PRELID2: variants seen among roughly 807,000 people sequenced by gnomAD.
PRELID2 encodes the protein PRELI domain-containing protein 2.
In PRELID2, 25 loss-of-function variants were observed where a neutral mutation model predicts 28.4. The observed-to-expected ratio is 0.88, with a 90% CI of 0.64 to 1.23. PRELID2 has a LOEUF of 1.23. PRELID2 is among the 50% of genes most tolerant of loss of function. The probability of loss-of-function intolerance (pLI) is 0.00; values close to 1 mark genes in which losing one functional copy is unlikely to be tolerated. For synonymous variants in PRELID2, 76 were observed against 71.6 expected (o/e 1.06, Z -0.31); for missense variants, 201 against 214.4 (o/e 0.94, Z 0.39).
At chr5:145,399,475 G>T in the PRELID2 span, among the ~76,000 whole-genome samples, 1 of 152,060 alleles carries the variant, frequency 6.6e-6, no homozygotes, top group Non-Finnish European at 1.5e-5. Context: ...AGGAAATTCT[G>T]TCACTCCATC....
chr5:145,257,351 G>A, the PRELID2 span, among the ~76,000 whole-genome samples: 2 of 151,934 alleles, frequency 1.3e-5, no homozygotes, highest in South Asian at 2.1e-4. Context: ...AATTTTTAGA[G>A]TCACTACTGA....
intron 1 of PRELID2, among the ~76,000 whole-genome samples, chr5:145,518,350 C>G (rs1752537120): frequency 6.6e-6 from 1 of 151,892 alleles, no homozygotes; most frequent in Admixed American, 6.6e-5. Flanking sequence ...CAGGTGTGCA[C>G]CACCAAGCCC....
chr5:145,727,498 GC>G (rs1209377077), intron 1 of PRELID2, among the ~76,000 whole-genome samples: 1 of 152,054 alleles, frequency 6.6e-6, no homozygotes, highest in African/African-American at 2.4e-5. Context: ...CTCTCAACAT[GC>G]CCCCCTTTTC....
At chr5:145,352,049 G>A in the PRELID2 span, among the ~76,000 whole-genome samples, 1 of 152,180 alleles carries the variant, frequency 6.6e-6, no homozygotes, top group South Asian at 2.1e-4. Flanking sequence ...GACGTTGAAT[G>A]TCTGTGGCTT....
the PRELID2 span, among the ~76,000 whole-genome samples, chr5:145,383,248 T>C: frequency 1.3e-5 from 2 of 151,640 alleles, no homozygotes; most frequent in African/African-American, 4.8e-5. Flanking sequence ...CTCAAATAAC[T>C]ATATATGCAT....
intron 1 of PRELID2, among the ~76,000 whole-genome samples, chr5:145,623,620 G>A (rs149295029): frequency 6.6e-6 from 1 of 151,948 alleles, no homozygotes; most frequent in African/African-American, 2.4e-5. Flanking sequence ...TAGATAAATA[G>A]ATAGGTAGGT....
At chr5:145,448,956 A>G in the PRELID2 span, among the ~76,000 whole-genome samples, 1 of 152,156 alleles carries the variant, frequency 6.6e-6, no homozygotes, top group Non-Finnish European at 1.5e-5. Context: ...ACTCACTTAA[A>G]TAGAAGGAAA....
the PRELID2 span, among the ~76,000 whole-genome samples, chr5:145,395,008 G>T: frequency 6.6e-6 from 1 of 152,036 alleles, no homozygotes; most frequent in African/African-American, 2.4e-5. Context: ...AAATTGCCAT[G>T]TTATTCCCCT....
the PRELID2 span, among the ~76,000 whole-genome samples, chr5:145,264,496 C>T: frequency 1.5e-4 from 23 of 151,948 alleles, no homozygotes; most frequent in African/African-American, 5.1e-4. Context: ...CAAATCTTAA[C>T]GTAATAAAAG....
intron 1 of PRELID2, among the ~76,000 whole-genome samples, chr5:145,565,146 A>G (rs559242231): frequency 2.4e-4 from 36 of 152,282 alleles, no homozygotes; most frequent in Middle Eastern, 3.4e-3. Flanking sequence ...AAACCCTTAT[A>G]AGAGCATTTT....
chr5:145,306,250 C>A, the PRELID2 span, among the ~76,000 whole-genome samples: 2 of 151,974 alleles, frequency 1.3e-5, no homozygotes, highest in South Asian at 4.1e-4. Flanking sequence ...TTATGTCAGT[C>A]GGAATATAAC....
chr5:145,454,315 C>G, the PRELID2 span, among the ~76,000 whole-genome samples: 3 of 152,106 alleles, frequency 2.0e-5, no homozygotes, highest in African/African-American at 7.2e-5. Context: ...AAACCCACAG[C>G]CAATATCATA....
the PRELID2 span, among the ~76,000 whole-genome samples, chr5:145,413,159 C>A: frequency 6.6e-6 from 1 of 152,036 alleles, no homozygotes; most frequent in African/African-American, 2.4e-5. Flanking sequence ...TAATAATAAT[C>A]TCATCAAAAA....
the PRELID2 span, among the ~76,000 whole-genome samples, chr5:145,328,258 T>C: frequency 6.6e-6 from 1 of 152,206 alleles, no homozygotes. Flanking sequence ...TGTGCATGTG[T>C]CTTTATAGTG....
the PRELID2 span, among the ~76,000 whole-genome samples, chr5:145,302,824 A>T: frequency 1.3e-5 from 2 of 152,134 alleles, no homozygotes; most frequent in Non-Finnish European, 2.9e-5. Context: ...TAGTAACAGT[A>T]GTAAAGGTTC....
intron 1 of PRELID2, among the ~76,000 whole-genome samples, chr5:145,601,158 A>C (rs1753390525): frequency 6.6e-6 from 1 of 152,218 alleles, no homozygotes; most frequent in Non-Finnish European, 1.5e-5. Flanking sequence ...TGTCTCAAAA[A>C]AGTAAGTAAA....
At chr5:145,673,790 C>T (rs1347575979) in intron 1 of PRELID2, among the ~76,000 whole-genome samples, 1 of 151,978 alleles carries the variant, frequency 6.6e-6, no homozygotes, top group African/African-American at 2.4e-5. Flanking sequence ...AGGGGAAAAG[C>T]CTGTTTACAA....
chr5:145,521,053 G>A (rs1221285224), intron 1 of PRELID2, among the ~76,000 whole-genome samples: 1 of 152,088 alleles, frequency 6.6e-6, no homozygotes, highest in Admixed American at 6.5e-5. Context: ...AGTTGACAGG[G>A]AGTTAACAAA....
chr5:145,731,560 G>A (rs543468271), intron 1 of PRELID2, among the ~76,000 whole-genome samples: 4 of 152,124 alleles, frequency 2.6e-5, no homozygotes, highest in South Asian at 4.1e-4. Flanking sequence ...TACTGTTTTC[G>A]TTAGTAAAAT....
Sources: allele counts gnomAD v4.1 joint callset (sites outside exome capture counted in the v4.1 genomes callset), GRCh38; gene constraint gnomAD v4.1.1; transcripts MANE v1.5; gene names NCBI Gene and HGNC (gene_info 2026-07-23, HGNC 2026-07-21).